The following SORL1-AS1 variants were observed in gnomAD, a reference collection of about 807,000 sequenced individuals.
SORL1-AS1 encodes SORL1 antisense RNA 1, also known as lncRNA 51 A.
At position 121,452,164 on chromosome 11, in the gene SORL1-AS1, C is replaced by G. The variant is rs1860804563; in HGVS notation, n.339+511G>C. 5.2e-6 allele frequency: 1 copy of G among 191,410 alleles called. No individual in the cohort carries two copies. Among genetic ancestry groups the G allele is most frequent in the African/African-American group, 2.4e-5 (1 of 41,780 alleles). 11.9% of individuals were successfully genotyped at this position (191,410 alleles called of 1,614,324 possible). A position where few individuals can be genotyped will look rare whatever the true frequency, so the allele number is the denominator to read the frequency against. On this transcript the variant is annotated intron_variant and non_coding_transcript_variant, in intron 1 of 1. Transcript: ENST00000501964. This position sits in a 1 kb window ranked among gnomAD's most constrained non-coding sequence, Gnocchi z 5.3. Reference sequence around the variant, plus strand: ...CGTGACGGCGCCGCGCCGAACCGAGCGGGACCTGGCGGCAGCGGCGGCGGG... The same window carrying G: ...CGTGACGGCGCCGCGCCGAACCGAGGGGGACCTGGCGGCAGCGGCGGCGGG...
At chr11:121,449,779 G>A (rs1860766704) in exon 2 of SORL1-AS1, 1 of 152,186 alleles carries the variant, frequency 6.6e-6, no homozygotes, top group South Asian at 2.1e-4. Flanking sequence ...AAGCTCTGAG[G>A]AGGTTTGGCC....
At chr11:121,446,450 T>C (rs1419571847), downstream of SORL1-AS1, among the ~76,000 whole-genome samples, 2 of 152,084 alleles carry the variant, frequency 1.3e-5, no homozygotes, top group East Asian at 1.9e-4. Context: ...AGGTTTCTGT[T>C]AGACTGTATC....
exon 2 of SORL1-AS1, chr11:121,448,468 A>G (rs138694335): frequency 1.4e-4 from 22 of 152,280 alleles, no homozygotes; most frequent in African/African-American, 5.3e-4. Flanking sequence ...AGAGGGAACA[A>G]TGTTTACCAT....
the SORL1-AS1 span, among the ~76,000 whole-genome samples, chr11:121,438,929 G>A: frequency 3.3e-5 from 5 of 152,216 alleles, no homozygotes; most frequent in African/African-American, 1.2e-4. Context: ...GGGAGGCTGA[G>A]GCACAAGAAT....
chr11:121,445,245 G>A (rs1339235514), downstream of SORL1-AS1, among the ~76,000 whole-genome samples: 2 of 152,204 alleles, frequency 1.3e-5, no homozygotes, highest in African/African-American at 2.4e-5. Flanking sequence ...GGCGTGATCT[G>A]TCGCACCCTC....
chr11:121,451,710 C>G (rs1200852805), intron 1 of SORL1-AS1, among the ~76,000 whole-genome samples: 1 of 152,160 alleles, frequency 6.6e-6, no homozygotes, highest in East Asian at 1.9e-4. Context: ...GTTGTGGTGC[C>G]CAGAGTAGAT....
chr11:121,452,385 G>C lies in SORL1-AS1; in HGVS notation n.339+290C>G, dbSNP rs1230041968. The stretch of plus-strand genomic sequence containing the variant: ...CGCGACTCCCGTTCCTATTCACCCT[G>C]GTCGCACTGCTGCCGCCCGGAGCTC... On this transcript the variant is annotated intron_variant and non_coding_transcript_variant, in intron 1 of 1. Transcript: ENST00000501964. The surrounding 1 kb of genome is among the most constrained non-coding windows in gnomAD (Gnocchi z 5.3). The C allele has an allele frequency of 6.5e-7, 1 of 1,549,868 alleles. No homozygotes were observed. The highest frequency in any genetic ancestry group is 1.4e-5 in the African/African-American group (1 of 70,020).
At chr11:121,445,092 T>C (rs1288625051), downstream of SORL1-AS1, among the ~76,000 whole-genome samples, 1 of 152,134 alleles carries the variant, frequency 6.6e-6, no homozygotes. Flanking sequence ...TCTGAGAAAA[T>C]GTATTATTTT....
chr11:121,447,153 G>C (rs1177872555), downstream of SORL1-AS1, among the ~76,000 whole-genome samples: 2 of 152,096 alleles, frequency 1.3e-5, no homozygotes, highest in East Asian at 3.9e-4. Context: ...CAGGAGGTTT[G>C]TCCTTGGGTC....
downstream of SORL1-AS1, among the ~76,000 whole-genome samples, chr11:121,443,170 T>C (rs918765544): frequency 2.0e-5 from 3 of 152,194 alleles, no homozygotes; most frequent in African/African-American, 4.8e-5. Context: ...AAGCTACTAA[T>C]GAAAATTCAT....
chr11:121,445,668 G>A (rs1230028119), downstream of SORL1-AS1, among the ~76,000 whole-genome samples: 1 of 151,428 alleles, frequency 6.6e-6, no homozygotes, highest in Non-Finnish European at 1.5e-5. Flanking sequence ...TGCTTGTCCC[G>A]TTCCAACTTC....
chr11:121,445,741 C>A (rs1246789919), downstream of SORL1-AS1, among the ~76,000 whole-genome samples: 3 of 151,952 alleles, frequency 2.0e-5, no homozygotes, highest in Non-Finnish European at 4.4e-5. Flanking sequence ...GCCTATCACC[C>A]TCCCCAAAGC....
rs1860808991 is a variant in SORL1-AS1 at position 121,452,276 on chromosome 11, C to T, written n.339+399G>A. ...CCCGGCCCAGCGGCTCTCCTGGCCT[C>T]GCGCTGCACATTCTCTCCTGGCGGC... On this transcript the variant is annotated intron_variant and non_coding_transcript_variant, in intron 1 of 1. Transcript: ENST00000501964. This position sits in a 1 kb window ranked among gnomAD's most constrained non-coding sequence, Gnocchi z 5.3. 1.4e-6 allele frequency: 2 copies of T among 1,380,996 alleles called. No homozygotes were observed. Among genetic ancestry groups the T allele is most frequent in the South Asian group, 1.6e-5 (1 of 62,824 alleles). 85.5% of individuals were successfully genotyped at this position (1,380,996 alleles called of 1,614,324 possible).
chr11:121,452,617 G>A lies in SORL1-AS1; in HGVS notation n.339+58C>T. On this transcript the variant is annotated intron_variant and non_coding_transcript_variant, in intron 1 of 1. Coordinates refer to ENST00000501964, the Ensembl canonical transcript of SORL1-AS1. The surrounding 1 kb of genome is among the most constrained non-coding windows in gnomAD (Gnocchi z 5.3). ...CGAGCCCATCAAGGTGTACGGACAG[G>A]TGAGCAGTTTTGCAACCCGCCTCCC... is the stretch of plus-strand genomic sequence containing the variant. 1 of 1,480,406 alleles carries A rather than the reference G, an allele frequency of 6.8e-7. No individual in the cohort carries two copies. Among genetic ancestry groups the A allele is most frequent in the Non-Finnish European group, 8.9e-7 (1 of 1,120,486 alleles). 91.7% of individuals were successfully genotyped at this position (1,480,406 alleles called of 1,614,324 possible). A position where few individuals can be genotyped will look rare whatever the true frequency, so the allele number is the denominator to read the frequency against.
At chr11:121,439,963 T>C in the SORL1-AS1 span, among the ~76,000 whole-genome samples, 1 of 152,136 alleles carries the variant, frequency 6.6e-6, no homozygotes, top group Admixed American at 6.5e-5. Context: ...GACCAGACAT[T>C]CATTAATCTT....
Position 121,450,770 on chromosome 11 carries a change from G to A in SORL1-AS1, n.340-871C>T, listed in dbSNP as rs1823580058. Among the ~76,000 whole-genome samples, 1 of 152,122 alleles carries A rather than the reference G, an allele frequency of 6.6e-6. No individual in the cohort carries two copies. The highest frequency in any genetic ancestry group is 2.4e-5 in the African/African-American group (1 of 41,408). On this transcript the variant is annotated intron_variant and non_coding_transcript_variant, in intron 1 of 1. Transcript: ENST00000501964. The surrounding 1 kb of genome is among the most constrained non-coding windows in gnomAD (Gnocchi z 5.2). ...GATGGTTCTGTAATTATGTTGAGATGGACAGAAAGACATCATCTGACTTGG... is the reference window on the plus strand; with the variant it reads ...GATGGTTCTGTAATTATGTTGAGATAGACAGAAAGACATCATCTGACTTGG...
chr11:121,447,029 T>A (rs1284473282), downstream of SORL1-AS1, among the ~76,000 whole-genome samples: 1 of 152,194 alleles, frequency 6.6e-6, no homozygotes, highest in African/African-American at 2.4e-5. Flanking sequence ...CAAATAATCT[T>A]CAGCTTAAGT....
rs377053198 is a variant in SORL1-AS1, at chr11:121,452,298, C to T, written n.339+377G>A. ...CCTCGCGCTGCACATTCTCTCCTGGCGGCGGCGCCACCTGCAGTAGCGTTC... is the reference window on the plus strand; with the variant it reads ...CCTCGCGCTGCACATTCTCTCCTGGTGGCGGCGCCACCTGCAGTAGCGTTC... On this transcript the variant is annotated intron_variant and non_coding_transcript_variant, in intron 1 of 1. Coordinates refer to ENST00000501964, the Ensembl canonical transcript of SORL1-AS1. This position sits in a 1 kb window ranked among gnomAD's most constrained non-coding sequence, Gnocchi z 5.3. 7.4e-4 allele frequency: 1,090 copies of T among 1,464,426 alleles called. 2 individuals carry two copies. The Middle Eastern group carries it at 8.3e-3, about 11-fold the overall frequency. The allele number at this position is 1,464,426 out of a possible 1,614,324, so 90.7% of individuals were successfully genotyped here.
In SORL1-AS1 at chr11:121,452,531, G is replaced by A. The variant is rs1162296133; in HGVS notation, n.339+144C>T. 1 of 1,486,410 alleles carries A rather than the reference G, an allele frequency of 6.7e-7. No individual in the cohort carries two copies. Among genetic ancestry groups the A allele is most frequent in the Admixed American group, 2.3e-5 (1 of 43,330 alleles). The allele number at this position is 1,486,410 out of a possible 1,614,324, so 92.1% of individuals were successfully genotyped here. On this transcript the variant is annotated intron_variant and non_coding_transcript_variant, in intron 1 of 1. Coordinates refer to ENST00000501964, the Ensembl canonical transcript of SORL1-AS1. This position sits in a 1 kb window ranked among gnomAD's most constrained non-coding sequence, Gnocchi z 5.3. ...CGGCTGTGGGCGCGCGGGGATGCCA[G>A]GGGGGCGAGCCGCGCGGACGAGAAG...
Sources: gnomAD v4.1 joint callset for allele counts (sites outside exome capture counted in the v4.1 genomes callset) on GRCh38, gnomAD v4.1.1 for gene constraint, Gnocchi (gnomAD v3.1) non-coding constraint, MANE v1.5 for transcripts, NCBI Gene and HGNC (gene_info 2026-07-23, HGNC 2026-07-21) for gene names.